PIAS1: variants seen among roughly 807,000 people sequenced by gnomAD.
PIAS1 encodes protein inhibitor of activated STAT 1.
Under a neutral mutation model 71.3 loss-of-function variants are expected in PIAS1, and 6 were observed. The ratio of observed to expected loss-of-function variants is 0.08; its 90% CI spans 0.05 to 0.17. The LOEUF (loss-of-function observed/expected upper bound fraction) is 0.17. PIAS1 is among the 10% of genes least tolerant of loss of function. PIAS1 has a pLI of 1.00. For synonymous variants in PIAS1, 303 were observed against 292.9 expected, an observed-to-expected ratio of 1.03 and a Z score of -0.35; for missense variants, 555 against 793.6, an observed-to-expected ratio of 0.70 and a Z score of 3.61.
intron 2 of PIAS1, among the ~76,000 whole-genome samples, chr15:68,105,792 A>G (rs1039765305): frequency 6.6e-6 from 1 of 152,176 alleles, no homozygotes; most frequent in Non-Finnish European, 1.5e-5. Context: ...GCAACATAGC[A>G]AAACGCCATC....
intron 1 of PIAS1, among the ~76,000 whole-genome samples, chr15:68,078,872 T>C (rs2092198042): frequency 2.0e-5 from 3 of 152,232 alleles, no homozygotes; most frequent in Admixed American, 2.0e-4. Flanking sequence ...TAAATGACGC[T>C]AAAAATTATG....
chr15:68,070,315 A>G (rs1473164746), intron 1 of PIAS1, among the ~76,000 whole-genome samples: 2 of 152,238 alleles, frequency 1.3e-5, no homozygotes, highest in African/African-American at 4.8e-5. Context: ...TGAATTAGAG[A>G]TCTTTGTGAA....
Position 68,191,741 on chromosome 15 carries a change from A to C in PIAS1, c.*3906A>C, listed in dbSNP as rs556250364. On this transcript the variant is annotated 3_prime_UTR_variant, in exon 14 of 14. Coordinates refer to ENST00000249636, the MANE Select transcript of PIAS1 (RefSeq NM_016166.3). Reference sequence around the variant, plus strand: ...GAGCACCGTGGCCTTCTTGTAAACAACACTAGGTGCTAGAGAAACCAGCTG... The same window carrying C: ...GAGCACCGTGGCCTTCTTGTAAACACCACTAGGTGCTAGAGAAACCAGCTG... 16 of 152,406 alleles carry C rather than the reference A, an allele frequency of 1.0e-4. No homozygotes were observed. The East Asian group carries it at 2.5e-3, about 24-fold the overall frequency. 9.4% of individuals were successfully genotyped at this position (152,406 alleles called of 1,614,324 possible).
At position 68,111,975 on chromosome 15, in the gene PIAS1, A is replaced by G. The variant is rs181680961; in HGVS notation, c.469+25225A>G. ...CTTTTGTATCTTATTCTCTTACTAC[A>G]TACTTCCAACAACTGTTGTTGAGCC... is the stretch of plus-strand genomic sequence containing the variant. On this transcript the variant is annotated intron_variant, in intron 2 of 13. Coordinates refer to ENST00000249636, the MANE Select transcript of PIAS1 (RefSeq NM_016166.3). 2.0e-5 allele frequency among the ~76,000 whole-genome samples: 3 copies of G among 152,156 alleles called. No individual in the cohort carries two copies. The East Asian group carries it at 5.8e-4, about 29-fold the overall frequency.
At position 68,100,900 on chromosome 15, in the gene PIAS1, GTT is replaced by G. The variant is rs10713308; in HGVS notation, c.469+14162_469+14163del. Among the ~76,000 whole-genome samples the G allele has an allele frequency of 1.3e-3, 184 of 138,136 alleles. 4 individuals carry two copies. In the South Asian group the frequency reaches 0.025, roughly 18 times the overall value. 90.6% of individuals were successfully genotyped at this position (138,136 alleles called of 152,430 possible). A position where few individuals can be genotyped will look rare whatever the true frequency, so the allele number is the denominator to read the frequency against. On this transcript the variant is annotated intron_variant, in intron 2 of 13. Coordinates refer to ENST00000249636, the MANE Select transcript of PIAS1 (RefSeq NM_016166.3). ...TGTGTTTTGTTGTTGTTTTTGTTTT[GTT>G]TTTTTTTTTTTGAGATAAGGTCTCG...
intron 2 of PIAS1, among the ~76,000 whole-genome samples, chr15:68,132,058 AAAG>A (rs1384097851): frequency 6.6e-6 from 1 of 151,714 alleles, no homozygotes; most frequent in African/African-American, 2.4e-5. Context: ...AAAGAAAAGA[AAAG>A]AAAAAAAGAA....
chr15:68,136,970 G>A (rs1205244909), intron 2 of PIAS1, among the ~76,000 whole-genome samples: 2 of 152,132 alleles, frequency 1.3e-5, no homozygotes, highest in Non-Finnish European at 2.9e-5. Flanking sequence ...AAATATTTTA[G>A]ATGTGAATTA....
chr15:68,075,879 T>C (rs1172327485), intron 1 of PIAS1, among the ~76,000 whole-genome samples: 1 of 149,220 alleles, frequency 6.7e-6, no homozygotes, highest in Non-Finnish European at 1.5e-5. Flanking sequence ...CCCCCCGGGG[T>C]TCAAGTGCTA....
chr15:68,163,074 G>A (rs2141075702), intron 7 of PIAS1, among the ~76,000 whole-genome samples: 1 of 152,300 alleles, frequency 6.6e-6, no homozygotes, highest in South Asian at 2.1e-4. Context: ...TGCCTTGCCA[G>A]CTATGTAGGT....
chr15:68,069,979 A>G (rs1001561113), intron 1 of PIAS1, among the ~76,000 whole-genome samples: 1 of 152,204 alleles, frequency 6.6e-6, no homozygotes, highest in African/African-American at 2.4e-5. Flanking sequence ...ACAATGTTAA[A>G]TGCATTGTTA....
chr15:68,058,542 T>G (rs1341062272), intron 1 of PIAS1, among the ~76,000 whole-genome samples: 1 of 152,190 alleles, frequency 6.6e-6, no homozygotes, highest in Admixed American at 6.5e-5. Flanking sequence ...TGGAGTCCTC[T>G]AGGGTGCCCA....
intron 1 of PIAS1, among the ~76,000 whole-genome samples, chr15:68,063,804 T>G (rs1242406807): frequency 1.3e-5 from 2 of 152,112 alleles, no homozygotes; most frequent in Admixed American, 1.3e-4. Context: ...GTGCTGACAT[T>G]TGCAAAATCA....
chr15:68,137,814 A>G (rs377034131), intron 2 of PIAS1, among the ~76,000 whole-genome samples: 1 of 152,200 alleles, frequency 6.6e-6, no homozygotes, highest in Non-Finnish European at 1.5e-5. Context: ...GAATATATCA[A>G]TCAACTTAGA....
chr15:68,093,442 C>G (rs759806235), intron 2 of PIAS1, among the ~76,000 whole-genome samples: 80 of 152,198 alleles, frequency 5.3e-4, no homozygotes, highest in Non-Finnish European at 2.2e-4. Context: ...GGGCATTGGT[C>G]TGGATGTTCT....
chr15:68,180,468 A>T (rs77438000), intron 11 of PIAS1, among the ~76,000 whole-genome samples: 4,168 of 44,708 alleles, frequency 0.093, 175 homozygotes, highest in African/African-American at 0.22. Context: ...AGTAAATTTT[A>T]AAAAAAAAGC....
At chr15:68,106,608 C>T (rs1387557) in intron 2 of PIAS1, among the ~76,000 whole-genome samples, 1 of 151,706 alleles carries the variant, frequency 6.6e-6, no homozygotes, top group Non-Finnish European at 1.5e-5. Flanking sequence ...TTGTCTGCCC[C>T]CTCCTTAGTT....
chr15:68,089,519 A>G (rs1008886419), intron 2 of PIAS1, among the ~76,000 whole-genome samples: 1 of 152,060 alleles, frequency 6.6e-6, no homozygotes, highest in African/African-American at 2.4e-5. Flanking sequence ...GCCAGAATCA[A>G]TTTCACTTTC....
intron 2 of PIAS1, among the ~76,000 whole-genome samples, chr15:68,112,075 T>C (rs1379762359): frequency 6.6e-6 from 1 of 152,174 alleles, no homozygotes; most frequent in Non-Finnish European, 1.5e-5. Flanking sequence ...AGATAACTTA[T>C]AAAGGCTTCC....
chr15:68,101,031 C>T (rs112168003), intron 2 of PIAS1, among the ~76,000 whole-genome samples: 4,375 of 151,762 alleles, frequency 0.029, 141 homozygotes, highest in African/African-American at 0.08. Context: ...CCCAGGTAGT[C>T]AGGACTACAG....
Sources: gnomAD v4.1 joint callset for allele counts (sites outside exome capture counted in the v4.1 genomes callset) on GRCh38, gnomAD v4.1.1 for gene constraint, MANE v1.5 for transcripts, NCBI Gene and HGNC (gene_info 2026-07-23, HGNC 2026-07-21) for gene names.